The following TMBIM4 variants were observed in gnomAD, a reference collection of about 807,000 sequenced individuals.
TMBIM4 encodes the protein transmembrane BAX inhibitor motif containing 4.
Under a neutral mutation model 27.7 loss-of-function variants are expected in TMBIM4, and 28 were observed. That is an observed-to-expected ratio of 1.01 (90% CI 0.75 to 1.38). The LOEUF (loss-of-function observed/expected upper bound fraction) is 1.38. Ranked by LOEUF, TMBIM4 falls within the 40% of genes most tolerant of loss-of-function variation. The pLI is 0.00. For missense variants in TMBIM4, 265 were observed against 277.5 expected, an observed-to-expected ratio of 0.95 and a Z score of 0.32; for synonymous variants, 115 against 113.1, an observed-to-expected ratio of 1.02 and a Z score of -0.11.
In TMBIM4 at chr12:66,145,930, C is replaced by G. The variant is rs770167551; in HGVS notation, c.375G>C (p.Leu125=). ...VVTFYDVYII[L]QAFILTTTVF... ...CTGTAGTAGTCAGTATGAAAGCTTG[C>G]AGAATAATATATACATCATAGAAAG... is the stretch of plus-strand genomic sequence containing the variant. Residue 125 remains leucine (L), a synonymous_variant, in exon 5 of 7, where the codon CTG becomes CTC. Transcript: ENST00000358230. 5 of 1,583,284 alleles carry G rather than the reference C, an allele frequency of 3.2e-6. No homozygotes were observed. In the East Asian group the frequency reaches 9.0e-5, roughly 28 times the overall value.
In TMBIM4 at chr12:66,152,385, C is replaced by T. The variant is rs376448065; in HGVS notation, c.207-9G>A. 1 of 1,585,212 alleles carries T rather than the reference C, an allele frequency of 6.3e-7. No homozygotes were observed. On this transcript the variant is annotated splice_polypyrimidine_tract_variant and intron_variant, in intron 2 of 6. Transcript: ENST00000358230. ...GCAAAATTAAGGCAGGACTGAAAGA[C>T]ATAATATTAAGTGTTTCAAGTTAAA... is the stretch of plus-strand genomic sequence containing the variant.
At chr12:66,161,192 A>G (rs984772275) in intron 1 of TMBIM4, 3 of 152,354 alleles carry the variant, frequency 2.0e-5, no homozygotes, top group East Asian at 1.9e-4. Context: ...TTAGATGTAT[A>G]TTATTCAAAA....
intron 1 of TMBIM4, among the ~76,000 whole-genome samples, chr12:66,158,531 C>G (rs538463045): frequency 6.6e-6 from 1 of 151,318 alleles, no homozygotes; most frequent in African/African-American, 2.4e-5. Flanking sequence ...CCCAGCTACT[C>G]GGGCTGAGGC....
intron 5 of TMBIM4, among the ~76,000 whole-genome samples, chr12:66,142,235 G>GC (rs2051680036): frequency 6.6e-6 from 1 of 151,572 alleles, no homozygotes; most frequent in Admixed American, 6.6e-5. Context: ...GATACATCTG[G>GC]CATACCTAAG....
In TMBIM4 at chr12:66,136,322, T is replaced by C. The variant is rs1412297195; in HGVS notation, c.*1638A>G. On this transcript the variant is annotated 3_prime_UTR_variant, in exon 7 of 7. Coordinates refer to ENST00000358230, the MANE Select transcript of TMBIM4 (RefSeq NM_016056.4). ...CTAGATGCTCTTACCCACCATGCTGTTAAACTTGATTGCACTGCATCATAC... is the reference window on the plus strand; with the variant it reads ...CTAGATGCTCTTACCCACCATGCTGCTAAACTTGATTGCACTGCATCATAC... 6.6e-6 allele frequency: 1 copy of C among 152,522 alleles called. No homozygotes were observed. Among genetic ancestry groups the C allele is most frequent in the Non-Finnish European group, 1.5e-5 (1 of 68,134 alleles). The allele number at this position is 152,522 out of a possible 1,614,324, so 9.4% of individuals were successfully genotyped here.
At chr12:66,152,242 A>T in intron 3 of TMBIM4, 29 bp downstream of exon 3, 1 of 1,356,612 alleles carries the variant, frequency 7.4e-7, no homozygotes, top group Non-Finnish European at 1.0e-6. Context: ...AATAATTGTT[A>T]AGGGAATAGA....
chr12:66,166,464 C>CAAAAAAAAAAAAAAAAAAA (rs59822799), intron 1 of TMBIM4, among the ~76,000 whole-genome samples: 19 of 100,572 alleles, frequency 1.9e-4, no homozygotes, highest in East Asian at 2.6e-4. Flanking sequence ...TACTTTGTCT[C>CAAAAAAAAAAAAAAAAAAA]AAAAAAAAAA....
intron 5 of TMBIM4, among the ~76,000 whole-genome samples, chr12:66,140,249 A>T (rs1219345893): frequency 2.0e-5 from 3 of 152,222 alleles, no homozygotes; most frequent in African/African-American, 7.2e-5. Context: ...CTAGTTCAAG[A>T]TCGAGGAAAG....
chr12:66,163,255 T>C (rs1318636075), intron 1 of TMBIM4, among the ~76,000 whole-genome samples: 3 of 152,196 alleles, frequency 2.0e-5, no homozygotes, highest in Admixed American at 1.3e-4. Flanking sequence ...ATGAGTTAAA[T>C]AGTTCTCATG....
intron 3 of TMBIM4, among the ~76,000 whole-genome samples, chr12:66,149,653 GCTC>G (rs1565784230): frequency 6.6e-6 from 1 of 152,008 alleles, no homozygotes; most frequent in Non-Finnish European, 1.5e-5. Flanking sequence ...ATACACACAT[GCTC>G]CTCGAGTTAC....
In TMBIM4 at chr12:66,165,065, A is replaced by G. The variant is rs2052102125; in HGVS notation, c.97+4790T>C. Among the ~76,000 whole-genome samples, 5 of 152,222 alleles carry G rather than the reference A, an allele frequency of 3.3e-5. 1 individual carries two copies. In the South Asian group the frequency reaches 1.0e-3, roughly 31 times the overall value. ...CTACAAAACACTGATGAAAGAAATT[A>G]AAGACAAAAATAAATGGAAACACAT... On this transcript the variant is annotated intron_variant, in intron 1 of 6. Coordinates refer to ENST00000358230, the MANE Select transcript of TMBIM4 (RefSeq NM_016056.4).
intron 1 of TMBIM4, among the ~76,000 whole-genome samples, chr12:66,156,415 A>G (rs905638369): frequency 6.6e-6 from 1 of 152,156 alleles, no homozygotes; most frequent in African/African-American, 2.4e-5. Context: ...CTGTAGTTCT[A>G]CCTTTGAAAG....
Position 66,169,856 on chromosome 12 carries a change from C to T in TMBIM4, c.96G>A (p.Met32Ile). 1 of 1,512,702 alleles carries T rather than the reference C, an allele frequency of 6.6e-7. No homozygotes were observed. Among genetic ancestry groups the T allele is most frequent in the Admixed American group, 2.3e-5 (1 of 44,048 alleles). The allele number at this position is 1,512,702 out of a possible 1,614,324, so 93.7% of individuals were successfully genotyped here. Residue 32 changes from methionine (M) to isoleucine (I), a missense_variant and splice_region_variant, in exon 1 of 7, where the codon ATG (methionine) becomes ATA (isoleucine). Transcript: ENST00000358230. ...SVASATVHIRMAFLRKVYSIL... is the reference protein window; with the variant it reads ...SVASATVHIRIAFLRKVYSIL... ...GGCACTGGAGAGGGGACAACGTACC[C>T]ATTCGGATGTGCACGGTGGCGGAGG...
rs1311208219 is a variant in TMBIM4 at position 66,136,942 on chromosome 12, C to T, written c.*1018G>A. On this transcript the variant is annotated 3_prime_UTR_variant, in exon 7 of 7. Coordinates refer to ENST00000358230, the MANE Select transcript of TMBIM4 (RefSeq NM_016056.4). Reference sequence around the variant, plus strand: ...CAAATGAAACCATAAGACAATACTTCCCAAATATTTTAATTTTGAAATAGA... The same window carrying T: ...CAAATGAAACCATAAGACAATACTTTCCAAATATTTTAATTTTGAAATAGA... 1 of 152,162 alleles carries T rather than the reference C, an allele frequency of 6.6e-6. No individual in the cohort carries two copies. Among genetic ancestry groups the T allele is most frequent in the Non-Finnish European group, 1.5e-5 (1 of 68,028 alleles). 9.4% of individuals were successfully genotyped at this position (152,162 alleles called of 1,614,324 possible).
intron 1 of TMBIM4, among the ~76,000 whole-genome samples, chr12:66,160,731 G>C (rs1384000687): frequency 6.6e-6 from 1 of 152,244 alleles, no homozygotes; most frequent in Non-Finnish European, 1.5e-5. Context: ...ACACAAGGCT[G>C]TCACCTCACA....
chr12:66,167,346 G>A, intron 1 of TMBIM4, among the ~76,000 whole-genome samples: 1 of 152,116 alleles, frequency 6.6e-6, no homozygotes, highest in East Asian at 1.9e-4. Context: ...AAGAGGCTTG[G>A]GGAAAAGCAG....
rs377146544 is a variant in TMBIM4, at chr12:66,169,812, T to A, written c.97+43A>T. 4.1e-5 allele frequency: 60 copies of A among 1,458,876 alleles called. No homozygotes were observed. The African/African-American group carries it at 7.1e-4, about 17-fold the overall frequency. 90.4% of individuals were successfully genotyped at this position (1,458,876 alleles called of 1,614,324 possible). ...AAGTCGGCTTCTAGAGGCCGAGCAG[T>A]GCAGACAAGCGGCTGGGAGGCACTG... On this transcript the variant is annotated intron_variant, in intron 1 of 6. Coordinates refer to ENST00000358230, the MANE Select transcript of TMBIM4 (RefSeq NM_016056.4).
Position 66,153,428 on chromosome 12 carries a change from T to C in TMBIM4, c.118A>G (p.Ser40Gly). 6.3e-7 allele frequency: 1 copy of C among 1,588,136 alleles called. No individual in the cohort carries two copies. Among genetic ancestry groups the C allele is most frequent in the East Asian group, 2.3e-5 (1 of 44,140 alleles). ...AAGAGAACCTGCAGAGAAAGAATGC[T>C]GTAGACTTTTCTCAGAAAGGCTAAA... ...IRMAFLRKVY[S>G]ILSLQVLLTT... The change falls in exon 2 of 7, where the codon AGC (serine) becomes GGC (glycine). Residue 40 changes from serine to glycine, a missense_variant. By Grantham distance (56) the Ser-to-Gly change is moderately conservative (BLOSUM62 0). Coordinates refer to ENST00000358230, the MANE Select transcript of TMBIM4 (RefSeq NM_016056.4).
intron 3 of TMBIM4, among the ~76,000 whole-genome samples, chr12:66,151,827 A>T (rs543087896): frequency 9.0e-4 from 137 of 152,346 alleles, no homozygotes; most frequent in African/African-American, 3.0e-3. Flanking sequence ...GATCAGAGTG[A>T]TAAGATAATA....
Sources: gnomAD v4.1 joint callset for allele counts (sites outside exome capture counted in the v4.1 genomes callset) on GRCh38, gnomAD v4.1.1 for gene constraint, MANE v1.5 for transcripts, NCBI Gene and HGNC (gene_info 2026-07-23, HGNC 2026-07-21) for gene names.